The following PCDHGA5 variants were observed in gnomAD, a reference collection of about 807,000 sequenced individuals.
PCDHGA5 encodes the protein protocadherin gamma subfamily A, 5, also known as protocadherin gamma-A5.
In PCDHGA5, 36 loss-of-function variants were observed where a neutral mutation model predicts 56.7. The ratio of observed to expected loss-of-function variants is 0.64; its 90% CI spans 0.49 to 0.84. The LOEUF is 0.84. Among genes scored for constraint, PCDHGA5 ranks in the 40% least tolerant of loss-of-function variants. The pLI, the probability that PCDHGA5 is intolerant of heterozygous loss-of-function variation, is 0.00. For missense variants in PCDHGA5, 1,305 were observed against 1,201.5 expected (o/e 1.09, Z -1.27); for synonymous variants, 563 against 520.2 (o/e 1.08, Z -1.12).
chr5:141,433,223 T>C lies in PCDHGA5; in HGVS notation c.2422-61584T>C, dbSNP rs2097577369. On this transcript the variant is annotated intron_variant, in intron 1 of 3. Coordinates refer to ENST00000518069, the MANE Select transcript of PCDHGA5 (RefSeq NM_018918.3). The stretch of plus-strand genomic sequence containing the variant: ...AATCTTCTTTCTTTTTTTTTTTTAA[T>C]TGCTCTGTCTCCCAAGCTGGAATGC... The C allele has an allele frequency of 4.6e-6, 7 of 1,525,952 alleles. No individual in the cohort carries two copies. In the East Asian group the frequency reaches 1.6e-4, roughly 34 times the overall value. The allele number at this position is 1,525,952 out of a possible 1,614,324, so 94.5% of individuals were successfully genotyped here. A position where few individuals can be genotyped will look rare whatever the true frequency, so the allele number is the denominator to read the frequency against.
chr5:141,383,157 T>A, intron 1 of PCDHGA5: 1 of 1,614,076 alleles, frequency 6.2e-7, no homozygotes, highest in Non-Finnish European at 8.5e-7. Context: ...GCTTGGTCAC[T>A]GCGGGCAGGA....
intron 1 of PCDHGA5, among the ~76,000 whole-genome samples, chr5:141,446,621 C>G (rs1284919173): frequency 6.6e-6 from 1 of 152,094 alleles, no homozygotes; most frequent in African/African-American, 2.4e-5. Context: ...GGACTACAGG[C>G]GTGCACCACC....
In PCDHGA5 at chr5:141,364,980, G is replaced by C; in HGVS notation, c.650G>C (p.Gly217Ala). Reference sequence around the variant, plus strand: ...GACCTCCTCCTCACAGCTTTAGATGGCGGAGACCCGGTACTCTCCGGCACC... The same window carrying C: ...GACCTCCTCCTCACAGCTTTAGATGCCGGAGACCCGGTACTCTCCGGCACC... ...VHDLLLTALD[G>A]GDPVLSGTTH... The change falls in exon 1 of 4, where the codon GGC becomes GCC. Residue 217 changes from glycine (G) to alanine (A), a missense_variant. By Grantham distance (60) the Gly-to-Ala change is moderately conservative. Transcript: ENST00000518069. The C allele has an allele frequency of 6.2e-7, 1 of 1,613,870 alleles. No individual in the cohort carries two copies. Among genetic ancestry groups the C allele is most frequent in the Middle Eastern group, 1.6e-4 (1 of 6,062 alleles).
rs201850389 is a variant in PCDHGA5, at chr5:141,371,846, T to A, written c.2421+5095T>A. 284 of 1,613,662 alleles carry A rather than the reference T, an allele frequency of 1.8e-4. 1 individual carries two copies. Among genetic ancestry groups the A allele is most frequent in the Admixed American group, 2.0e-4 (12 of 60,036 alleles). On this transcript the variant is annotated intron_variant, in intron 1 of 3. Coordinates refer to ENST00000518069, the MANE Select transcript of PCDHGA5 (RefSeq NM_018918.3). Reference sequence around the variant, plus strand: ...CCTCGGATCCCGACTTGGGACCTAATGGCCTTGTCTCCTACTACATCGTGG... The same window carrying A: ...CCTCGGATCCCGACTTGGGACCTAAAGGCCTTGTCTCCTACTACATCGTGG...
In PCDHGA5 at chr5:141,431,457, T is replaced by C; in HGVS notation, c.2422-63350T>C. ...ACCGCGCGCATCCGCGTGATGGTTC[T>C]GGATGCGAACGACAACGCACCAGCG... On this transcript the variant is annotated intron_variant, in intron 1 of 3. Transcript: ENST00000518069. This position sits in a 1 kb window ranked among gnomAD's most constrained non-coding sequence, Gnocchi z 4.8. 6.2e-7 allele frequency: 1 copy of C among 1,613,818 alleles called. No homozygotes were observed. Among genetic ancestry groups the C allele is most frequent in the South Asian group, 1.1e-5 (1 of 91,088 alleles).
At chr5:141,393,602 T>G in intron 1 of PCDHGA5, 1 of 1,613,892 alleles carries the variant, frequency 6.2e-7, no homozygotes, top group Non-Finnish European at 8.5e-7. Context: ...GGCTGCTTAC[T>G]GTAACAGCCA....
In PCDHGA5 at chr5:141,432,068, C is replaced by G. The variant is rs1297096209; in HGVS notation, c.2422-62739C>G. ...AACCCCGCCCCTATCCACGGAAACT[C>G]ATATCTCGCTGAACGTGGCAGACAC... On this transcript the variant is annotated intron_variant, in intron 1 of 3. Transcript: ENST00000518069. The surrounding 1 kb of genome is among the most constrained non-coding windows in gnomAD (Gnocchi z 6.0). 6.2e-7 allele frequency: 1 copy of G among 1,614,210 alleles called. No individual in the cohort carries two copies. The highest frequency in any genetic ancestry group is 1.7e-5 in the Admixed American group (1 of 60,028).
chr5:141,375,511 A>C (rs372798366), intron 1 of PCDHGA5: 2 of 1,613,960 alleles, frequency 1.2e-6, no homozygotes, highest in South Asian at 2.2e-5. Flanking sequence ...CTGTGAATGC[A>C]CTGGACCCTG....
rs779287151 is a variant in PCDHGA5, at chr5:141,384,468, G to A, written c.2421+17717G>A. 8.7e-6 allele frequency: 14 copies of A among 1,613,988 alleles called. No homozygotes were observed. The Admixed American group carries it at 2.0e-4, about 23-fold the overall frequency. On this transcript the variant is annotated intron_variant, in intron 1 of 3. Coordinates refer to ENST00000518069, the MANE Select transcript of PCDHGA5 (RefSeq NM_018918.3). ...ACGCGCTGCAATCCTTTGATTATGA[G>A]CAGTTGAGAGAACTACAACTAAGAG...
intron 1 of PCDHGA5, chr5:141,422,569 G>A (rs1219842498): frequency 6.2e-7 from 1 of 1,613,984 alleles, no homozygotes; most frequent in Admixed American, 1.7e-5. Context: ...AGATGACAAC[G>A]ATAACCCTCC....
chr5:141,384,522 T>A, intron 1 of PCDHGA5: 2 of 1,614,192 alleles, frequency 1.2e-6, no homozygotes, highest in Non-Finnish European at 1.7e-6. Flanking sequence ...GGGACCCGCC[T>A]CTCAGCAGCA....
In PCDHGA5 at chr5:141,511,070, G is replaced by A. The variant is rs1341623011; in HGVS notation, c.2693G>A (p.Gly898Asp). ...PDYRQNVYIP[G>D]SNATLTNAAG... ...TACCGCCAGAATGTCTACATCCCAG[G>A]CAGCAATGCCACACTGACCAACGCA... The change falls in exon 4 of 4, where the codon GGC (glycine) becomes GAC (aspartate). Residue 898 changes from glycine to aspartate, a missense_variant. Physicochemically the swap from Gly to Asp is moderately conservative, Grantham distance 94 (BLOSUM62 -1). Transcript: ENST00000518069. 2.5e-6 allele frequency: 4 copies of A among 1,614,218 alleles called. No homozygotes were observed. Among genetic ancestry groups the A allele is most frequent in the Admixed American group, 1.7e-5 (1 of 60,030 alleles).
chr5:141,510,069 CCAGCAGAGTGCCTGG>C (rs994886462), intron 3 of PCDHGA5, among the ~76,000 whole-genome samples: 12 of 152,260 alleles, frequency 7.9e-5, no homozygotes, highest in Admixed American at 7.8e-4. Context: ...TGTGAAGCAT[CCAGCAGAGTGCCTGG>C]CACACAGTAG....
intron 1 of PCDHGA5, among the ~76,000 whole-genome samples, chr5:141,459,101 C>A (rs1021289352): frequency 6.6e-6 from 1 of 152,192 alleles, no homozygotes; most frequent in Non-Finnish European, 1.5e-5. Context: ...CAGTGCAATG[C>A]ATTTTGACAA....
At chr5:141,372,958 T>TACAA in intron 1 of PCDHGA5, 9 of 710,562 alleles carry the variant, frequency 1.3e-5, no homozygotes, top group South Asian at 2.1e-5. Context: ...AAATTCTTTG[T>TACAA]AGAATTTCCT....
intron 1 of PCDHGA5, chr5:141,385,308 C>G: frequency 1.9e-6 from 3 of 1,612,216 alleles, no homozygotes; most frequent in Non-Finnish European, 2.5e-6. Context: ...GTAAAGAAAA[C>G]CTGCCAAGTA....
intron 1 of PCDHGA5, among the ~76,000 whole-genome samples, chr5:141,448,809 A>G (rs998129053): frequency 9.2e-5 from 14 of 151,812 alleles, no homozygotes; most frequent in Non-Finnish European, 1.8e-4. Flanking sequence ...GCCAGGCGTG[A>G]TGGCGGGCGC....
intron 1 of PCDHGA5, among the ~76,000 whole-genome samples, chr5:141,469,317 C>T (rs1354878667): frequency 6.6e-6 from 1 of 152,092 alleles, no homozygotes; most frequent in Non-Finnish European, 1.5e-5. Flanking sequence ...TGGCTCACGC[C>T]TGTAATCCCA....
chr5:141,507,097 A>G (rs1343795018), intron 3 of PCDHGA5: 1 of 152,082 alleles, frequency 6.6e-6, no homozygotes, highest in African/African-American at 2.4e-5. Flanking sequence ...TGCTCTTTCT[A>G]CTATAGGGAC....
Sources: gnomAD v4.1 joint callset for allele counts (sites outside exome capture counted in the v4.1 genomes callset) on GRCh38, gnomAD v4.1.1 for gene constraint, Gnocchi (gnomAD v3.1) non-coding constraint, MANE v1.5 for transcripts, NCBI Gene and HGNC (gene_info 2026-07-23, HGNC 2026-07-21) for gene names.